The following PLGRKT variants were observed in gnomAD, a reference collection of about 807,000 sequenced individuals.
The protein encoded by PLGRKT is plasminogen receptor with a C-terminal lysine.
PLGRKT carries 22 observed loss-of-function variants against 18.5 expected under a neutral mutation model. The observed-to-expected ratio is 1.19, with a 90% CI of 0.85 to 1.70. The LOEUF is 1.70. PLGRKT is among the 40% of genes most tolerant of loss of function. PLGRKT has a pLI of 0.00. For synonymous variants in PLGRKT, 72 were observed against 52.8 expected, an observed-to-expected ratio of 1.36 and a Z score of -1.58; for missense variants, 235 against 174.4, an observed-to-expected ratio of 1.35 and a Z score of -1.96.
chr9:5,409,945 T>C (rs1157512275), intron 3 of PLGRKT, among the ~76,000 whole-genome samples: 2 of 152,222 alleles, frequency 1.3e-5, no homozygotes, highest in African/African-American at 2.4e-5. Flanking sequence ...CAAATTCTTA[T>C]CTAAGAACAA....
In PLGRKT at chr9:5,423,055, C is replaced by T. The variant is rs552741647; in HGVS notation, c.81+8842G>A. On this transcript the variant is annotated intron_variant, in intron 3 of 5. Coordinates refer to ENST00000223864, the MANE Select transcript of PLGRKT (RefSeq NM_018465.4). ...CTAAATATAAAGTTTTGGGGTTTTT[C>T]TCTCAAAATTCTGAAGATATGGCTC... 8.5e-5 allele frequency among the ~76,000 whole-genome samples: 13 copies of T among 152,200 alleles called. No homozygotes were observed. In the South Asian group the frequency reaches 1.7e-3, roughly 19 times the overall value.
chr9:5,381,727 G>T, intron 3 of PLGRKT: 1 of 193,846 alleles, frequency 5.2e-6, no homozygotes, highest in Non-Finnish European at 9.4e-6. Flanking sequence ...TGCTAAGAGG[G>T]TGAGCAGGTT....
intron 3 of PLGRKT, among the ~76,000 whole-genome samples, chr9:5,389,062 A>C (rs1363756208): frequency 6.6e-6 from 1 of 151,924 alleles, no homozygotes; most frequent in East Asian, 1.9e-4. Context: ...AGGGTATTAG[A>C]GAGGACTTAA....
rs1818963687 is a variant in PLGRKT at position 5,436,579 on chromosome 9, G to A, written c.-17C>T. ...AGTATTTAGATTTACCTCTTTCTGG[G>A]CCTTGCTCTCCTGGGTCTGGACTTG... On this transcript the variant is annotated 5_prime_UTR_variant, in exon 2 of 6. Coordinates refer to ENST00000223864, the MANE Select transcript of PLGRKT (RefSeq NM_018465.4). 1 of 152,264 alleles carries A rather than the reference G, an allele frequency of 6.6e-6. No homozygotes were observed. The highest frequency in any genetic ancestry group is 2.1e-4 in the South Asian group (1 of 4,834). The allele number at this position is 152,264 out of a possible 1,614,324, so 9.4% of individuals were successfully genotyped here.
At chr9:5,376,368 C>G (rs941176154) in intron 3 of PLGRKT, among the ~76,000 whole-genome samples, 1 of 152,212 alleles carries the variant, frequency 6.6e-6, no homozygotes, top group East Asian at 1.9e-4. Flanking sequence ...ATCCTGCCAC[C>G]ACCACTTATT....
At chr9:5,373,605 G>C (rs1272895852) in intron 3 of PLGRKT, among the ~76,000 whole-genome samples, 2 of 152,060 alleles carry the variant, frequency 1.3e-5, no homozygotes. Context: ...TTCAAGACCA[G>C]CCTGGGCAAC....
At chr9:5,398,913 T>C (rs1818103206) in intron 3 of PLGRKT, among the ~76,000 whole-genome samples, 1 of 151,730 alleles carries the variant, frequency 6.6e-6, no homozygotes, top group Non-Finnish European at 1.5e-5. Flanking sequence ...CCTCCCCATC[T>C]GCTTAAAGTA....
chr9:5,428,912 G>A (rs1048579125), intron 3 of PLGRKT, among the ~76,000 whole-genome samples: 6 of 152,150 alleles, frequency 3.9e-5, no homozygotes, highest in Admixed American at 6.5e-5. Context: ...ATGTTGCCCA[G>A]GGTGGTCTTG....
At chr9:5,386,064 C>T (rs946047551) in intron 3 of PLGRKT, among the ~76,000 whole-genome samples, 1 of 151,650 alleles carries the variant, frequency 6.6e-6, no homozygotes, top group Non-Finnish European at 1.5e-5. Flanking sequence ...TCTGTGGGAC[C>T]TGAGGACAAG....
intron 3 of PLGRKT, among the ~76,000 whole-genome samples, chr9:5,412,509 T>G (rs1238892813): frequency 1.3e-5 from 2 of 152,228 alleles, no homozygotes; most frequent in Non-Finnish European, 2.9e-5. Context: ...CAAGCTTTCT[T>G]GGGCTTGCTT....
intron 3 of PLGRKT, among the ~76,000 whole-genome samples, chr9:5,426,558 T>C (rs562315167): frequency 2.6e-5 from 4 of 152,338 alleles, no homozygotes; most frequent in African/African-American, 4.8e-5. Context: ...CTGTTCATCC[T>C]TTCTTGAAAT....
At chr9:5,414,885 G>C (rs1818429832) in intron 3 of PLGRKT, among the ~76,000 whole-genome samples, 1 of 152,250 alleles carries the variant, frequency 6.6e-6, no homozygotes, top group Non-Finnish European at 1.5e-5. Context: ...ATTGGAAATA[G>C]AAGTGTCAAT....
chr9:5,377,522 A>G (rs546053817), intron 3 of PLGRKT, among the ~76,000 whole-genome samples: 1 of 152,214 alleles, frequency 6.6e-6, no homozygotes, highest in Non-Finnish European at 1.5e-5. Context: ...GAATATCTCC[A>G]TAATGGTGCT....
chr9:5,410,294 G>A (rs1818336761), intron 3 of PLGRKT, among the ~76,000 whole-genome samples: 2 of 152,050 alleles, frequency 1.3e-5, no homozygotes, highest in Admixed American at 1.3e-4. Context: ...CCGGCACTTT[G>A]GGAGGCTGAG....
chr9:5,432,099 G>T (rs1413745973), intron 2 of PLGRKT, 116 bp from the exon 3 acceptor site: 3 of 595,424 alleles, frequency 5.0e-6, no homozygotes, highest in Non-Finnish European at 9.0e-6. Context: ...TAAAATTTCT[G>T]ATCTAGGAAC....
At chr9:5,429,920 A>G (rs1818787649) in intron 3 of PLGRKT, among the ~76,000 whole-genome samples, 1 of 152,188 alleles carries the variant, frequency 6.6e-6, no homozygotes, top group African/African-American at 2.4e-5. Context: ...TGGGTCAACC[A>G]GGACACAACA....
chr9:5,361,187 T>C lies in PLGRKT; in HGVS notation c.213A>G (p.Gly71=). ...AGGCTGGCTTCTTTTTTTTAATCGC[T>C]CTGTTTCAAGAATTAAAAGAAGAAC... is the stretch of plus-strand genomic sequence containing the variant. ...FGLAAISLTA[G]AIKKKKPAFL... Residue 71 remains glycine (G), a splice_region_variant and synonymous_variant, in exon 5 of 6, where the codon GGA becomes GGG. Coordinates refer to ENST00000223864, the MANE Select transcript of PLGRKT (RefSeq NM_018465.4). 1 of 1,576,502 alleles carries C rather than the reference T, an allele frequency of 6.3e-7. No homozygotes were observed. Among genetic ancestry groups the C allele is most frequent in the Non-Finnish European group, 8.7e-7 (1 of 1,149,124 alleles).
At chr9:5,369,944 A>AG (rs1817481547) in intron 3 of PLGRKT, among the ~76,000 whole-genome samples, 1 of 151,126 alleles carries the variant, frequency 6.6e-6, no homozygotes. Context: ...GTCATGGGGT[A>AG]GGGGGACTAG....
chr9:5,412,953 A>G (rs550984302), intron 3 of PLGRKT, among the ~76,000 whole-genome samples: 117 of 152,204 alleles, frequency 7.7e-4, no homozygotes, highest in Admixed American at 7.6e-3. Context: ...CAAAAAAAAC[A>G]AGATATATAA....
Sources: gnomAD v4.1 joint callset for allele counts (sites outside exome capture counted in the v4.1 genomes callset) on GRCh38, gnomAD v4.1.1 for gene constraint, MANE v1.5 for transcripts, NCBI Gene and HGNC (gene_info 2026-07-23, HGNC 2026-07-21) for gene names.